Variants in EPM2A observed in about 807,000 individuals in gnomAD.
The protein encoded by EPM2A is laforin.
Under a neutral mutation model 26.5 loss-of-function variants are expected in EPM2A, and 21 were observed. The ratio of observed to expected loss-of-function variants is 0.79; its 90% CI spans 0.56 to 1.14. The LOEUF is 1.14. Among genes scored for constraint, EPM2A ranks in the 50% most tolerant of loss-of-function variants. The probability of loss-of-function intolerance (pLI) is 0.00; values close to 1 mark genes in which losing one functional copy is unlikely to be tolerated. For synonymous variants in EPM2A, 217 were observed against 177.6 expected, an observed-to-expected ratio of 1.22 and a Z score of -1.76; for missense variants, 458 against 440.8, an observed-to-expected ratio of 1.04 and a Z score of -0.35.
intron 2 of EPM2A, among the ~76,000 whole-genome samples, chr6:145,597,211 C>T (rs1014560212): frequency 1.3e-5 from 2 of 152,092 alleles, no homozygotes; most frequent in African/African-American, 4.8e-5. Context: ...GATCTTATAC[C>T]TTCTTCATTC....
chr6:145,635,916 C>T (rs6570703), intron 2 of EPM2A: 92,678 of 205,406 alleles, frequency 0.45, 21,665 homozygotes, highest in African/African-American at 0.55. Flanking sequence ...AAAGTCTATG[C>T]AAATATTTCA....
intron 2 of EPM2A, among the ~76,000 whole-genome samples, chr6:145,652,030 C>A (rs924887972): frequency 6.6e-6 from 1 of 152,136 alleles, no homozygotes; most frequent in Non-Finnish European, 1.5e-5. Context: ...ATTCAATTTT[C>A]TGACTAGGAG....
At chr6:145,612,308 G>T (rs1402977624) in intron 2 of EPM2A, among the ~76,000 whole-genome samples, 1 of 152,084 alleles carries the variant, frequency 6.6e-6, no homozygotes, top group African/African-American at 2.4e-5. Context: ...AAATAAGACA[G>T]ATAAATGGGT....
At chr6:145,705,610 T>C (rs918803900) in intron 1 of EPM2A, 4 of 455,166 alleles carry the variant, frequency 8.8e-6, no homozygotes, top group African/African-American at 8.0e-5. Context: ...ATGTTAGAGT[T>C]CATTATAGAT....
chr6:145,673,178 T>A (rs906584353), intron 2 of EPM2A, among the ~76,000 whole-genome samples: 1 of 151,284 alleles, frequency 6.6e-6, no homozygotes, highest in Non-Finnish European at 1.5e-5. Flanking sequence ...AATCTAACCA[T>A]GATAAAAACA....
At chr6:145,509,792 T>A (rs867372598) in intron 2 of EPM2A, among the ~76,000 whole-genome samples, 1 of 152,102 alleles carries the variant, frequency 6.6e-6, no homozygotes, top group African/African-American at 2.4e-5. Flanking sequence ...CACTGGCAAA[T>A]TGGATTTAAG....
rs138097735 is a variant in EPM2A, at chr6:145,569,306, G to A, written c.340+65939C>T. 2.6e-3 allele frequency among the ~76,000 whole-genome samples: 403 copies of A among 152,260 alleles called. 6 individuals are homozygous for A. Among genetic ancestry groups the A allele is most frequent in the African/African-American group, 9.3e-3 (385 of 41,536 alleles). ...TAGTAACTGGGCAGTCCATTATGTT[G>A]TGGGGTACAATTACTCACGAGAGAG... is the stretch of plus-strand genomic sequence containing the variant. On this transcript the variant is annotated intron_variant, in intron 2 of 3. Transcript: ENST00000450221.
chr6:145,497,464 T>G (rs1188010941), downstream of EPM2A, among the ~76,000 whole-genome samples: 2 of 152,210 alleles, frequency 1.3e-5, no homozygotes, highest in Non-Finnish European at 1.5e-5. Context: ...CAAATGCACC[T>G]GCAGGAGGTC....
chr6:145,695,269 T>C (rs1781508542), intron 1 of EPM2A, among the ~76,000 whole-genome samples: 1 of 152,008 alleles, frequency 6.6e-6, no homozygotes, highest in African/African-American at 2.4e-5. Context: ...AACCTCATGG[T>C]AATTGCAAAG....
chr6:145,552,610 G>C (rs1158276551), intron 2 of EPM2A, among the ~76,000 whole-genome samples: 1 of 152,086 alleles, frequency 6.6e-6, no homozygotes. Flanking sequence ...ATTCCAGATA[G>C]AAGATTTGAC....
At chr6:145,466,595 C>T (rs368843192) in intron 4 of EPM2A, among the ~76,000 whole-genome samples, 12 of 151,620 alleles carry the variant, frequency 7.9e-5, no homozygotes, top group East Asian at 2.0e-4. Context: ...CGATTCCTCA[C>T]GGATCTAGAA....
chr6:145,424,888 A>G (rs1778832644), intron 4 of EPM2A, among the ~76,000 whole-genome samples: 1 of 152,090 alleles, frequency 6.6e-6, no homozygotes, highest in South Asian at 2.1e-4. Flanking sequence ...TGAGAAATAA[A>G]TTTCTGTTGC....
intron 2 of EPM2A, among the ~76,000 whole-genome samples, chr6:145,517,120 A>G (rs1403727541): frequency 6.6e-6 from 1 of 152,178 alleles, no homozygotes; most frequent in Admixed American, 6.5e-5. Context: ...ACTATACAAT[A>G]CCACTCATAC....
At chr6:145,655,186 G>GAAAAAAA (rs5880651) in intron 2 of EPM2A, among the ~76,000 whole-genome samples, 1 of 140,760 alleles carries the variant, frequency 7.1e-6, no homozygotes, top group Non-Finnish European at 1.6e-5. Flanking sequence ...ATTTTGCTGT[G>GAAAAAAA]AAAAAAAAAA....
At chr6:145,638,862 T>C (rs1776882826) in intron 2 of EPM2A, 1 of 152,158 alleles carries the variant, frequency 6.6e-6, no homozygotes, top group Admixed American at 6.5e-5. Context: ...TTTCTAGTTA[T>C]AGGATTCACT....
chr6:145,574,432 A>G (rs879375814), intron 2 of EPM2A, among the ~76,000 whole-genome samples: 1 of 152,132 alleles, frequency 6.6e-6, no homozygotes, highest in Non-Finnish European at 1.5e-5. Flanking sequence ...TTGCGATCCA[A>G]TTATTCCCAT....
At chr6:145,464,435 T>G (rs959793743) in intron 4 of EPM2A, among the ~76,000 whole-genome samples, 4 of 152,112 alleles carry the variant, frequency 2.6e-5, no homozygotes, top group African/African-American at 9.7e-5. Flanking sequence ...TATTCAGCAC[T>G]TGTTTTACAT....
intron 2 of EPM2A, among the ~76,000 whole-genome samples, chr6:145,680,362 C>A (rs1583040164): frequency 7.0e-6 from 1 of 143,646 alleles, no homozygotes; most frequent in Admixed American, 7.1e-5. Context: ...GCGTAAGTTT[C>A]ATTTATTTAT....
chr6:145,581,700 T>G (rs896172960), intron 2 of EPM2A, among the ~76,000 whole-genome samples: 2 of 152,220 alleles, frequency 1.3e-5, no homozygotes, highest in African/African-American at 2.4e-5. Flanking sequence ...AGTTTCATTC[T>G]GCCTACAACT....
Sources: allele counts gnomAD v4.1 joint callset (sites outside exome capture counted in the v4.1 genomes callset), GRCh38; gene constraint gnomAD v4.1.1; transcripts MANE v1.5; gene names NCBI Gene and HGNC (gene_info 2026-07-23, HGNC 2026-07-21).